Variants in SLC2A12 observed in about 807,000 individuals in gnomAD.
SLC2A12 encodes the protein solute carrier family 2, facilitated glucose transporter member 12.
A neutral mutation model predicts 41.8 loss-of-function variants in SLC2A12; 23 were observed. That is an observed-to-expected ratio of 0.55 (90% CI 0.40 to 0.78). SLC2A12 has a LOEUF of 0.78. Among genes scored for constraint, SLC2A12 ranks in the 30% least tolerant of loss-of-function variants. The pLI, the probability that SLC2A12 is intolerant of heterozygous loss-of-function variation, is 0.00. For synonymous variants in SLC2A12, 295 were observed against 285.9 expected (o/e 1.03, Z -0.32); for missense variants, 654 against 745.6 (o/e 0.88, Z 1.43).
chr6:134,011,499 T>C (rs1776883720), intron 2 of SLC2A12, among the ~76,000 whole-genome samples: 1 of 152,022 alleles, frequency 6.6e-6, no homozygotes, highest in South Asian at 2.1e-4. Flanking sequence ...GATGTGTGCC[T>C]GTAGTCTCAG....
At chr6:134,008,809 T>A (rs1288691070) in intron 2 of SLC2A12, among the ~76,000 whole-genome samples, 1 of 152,208 alleles carries the variant, frequency 6.6e-6, no homozygotes, top group Non-Finnish European at 1.5e-5. Context: ...GGCATGGGTA[T>A]TCGATGCTGG....
intron 1 of SLC2A12, among the ~76,000 whole-genome samples, chr6:134,043,055 G>C (rs1777404864): frequency 6.6e-6 from 1 of 152,204 alleles, no homozygotes; most frequent in Admixed American, 6.5e-5. Flanking sequence ...GATTTGACAA[G>C]AGAATTTTCA....
chr6:134,049,866 T>C (rs1773649839), intron 1 of SLC2A12, among the ~76,000 whole-genome samples: 1 of 152,250 alleles, frequency 6.6e-6, no homozygotes, highest in African/African-American at 2.4e-5. Flanking sequence ...TTTTTCAGTA[T>C]CTCACATGAT....
intron 1 of SLC2A12, among the ~76,000 whole-genome samples, chr6:134,037,367 T>C (rs1777317220): frequency 6.6e-6 from 1 of 151,294 alleles, no homozygotes; most frequent in African/African-American, 2.4e-5. Flanking sequence ...CTTTTGTTTT[T>C]GTTTTTTTTT....
chr6:134,039,907 G>A (rs1266374606), intron 1 of SLC2A12, among the ~76,000 whole-genome samples: 1 of 152,076 alleles, frequency 6.6e-6, no homozygotes, highest in Non-Finnish European at 1.5e-5. Context: ...TGATGTACCT[G>A]CTCCCCCTTT....
At chr6:133,999,215 A>G (rs1323316802) in intron 4 of SLC2A12, among the ~76,000 whole-genome samples, 3 of 152,218 alleles carry the variant, frequency 2.0e-5, no homozygotes, top group East Asian at 3.9e-4. Context: ...TGGGTCTGAA[A>G]GCATAAGGAT....
chr6:134,046,648 T>C (rs986579815), intron 1 of SLC2A12, among the ~76,000 whole-genome samples: 3 of 151,686 alleles, frequency 2.0e-5, no homozygotes, highest in South Asian at 2.1e-4. Flanking sequence ...AAAAAAAATA[T>C]ATATATACAA....
At chr6:134,018,402 T>C (rs147341590) in intron 2 of SLC2A12, among the ~76,000 whole-genome samples, 1 of 152,162 alleles carries the variant, frequency 6.6e-6, no homozygotes. Flanking sequence ...TCCTGCATGG[T>C]GGTGCTGGAT....
intron 4 of SLC2A12, among the ~76,000 whole-genome samples, chr6:134,001,623 G>A (rs1182738001): frequency 1.3e-5 from 2 of 152,076 alleles, no homozygotes; most frequent in Admixed American, 1.3e-4. Flanking sequence ...TAGCATTACA[G>A]TTTGATGATA....
At chr6:134,033,875 A>C (rs997924127) in intron 1 of SLC2A12, among the ~76,000 whole-genome samples, 1 of 152,020 alleles carries the variant, frequency 6.6e-6, no homozygotes, top group African/African-American at 2.4e-5. Flanking sequence ...GCTAAGTGCT[A>C]GCTTCTCTGT....
intron 1 of SLC2A12, among the ~76,000 whole-genome samples, chr6:134,035,280 C>G: frequency 6.6e-6 from 1 of 151,928 alleles, no homozygotes; most frequent in East Asian, 1.9e-4. Flanking sequence ...AACAGAATTC[C>G]TTTCCCCAAG....
rs771254153 is a variant in SLC2A12, at chr6:133,991,207, C to G, written c.1802G>C (p.Cys601Ser). ...TTGGCCCCTACCACACAGCTTGTTA[C>G]ACTCCAAGAGCTGCTCCTGGGGTTT... ...KRKPQEQLLE[C>S]NKLCGRGQSR... is the part of the protein sequence containing the mutation. The change falls in exon 5 of 5, where the codon TGT (cysteine) becomes TCT (serine). Residue 601 changes from cysteine (C) to serine (S), a missense_variant. Coordinates refer to ENST00000275230, the MANE Select transcript of SLC2A12 (RefSeq NM_145176.3). 6.2e-7 allele frequency: 1 copy of G among 1,614,144 alleles called. No homozygotes were observed. Among genetic ancestry groups the G allele is most frequent in the Non-Finnish European group, 8.5e-7 (1 of 1,180,012 alleles).
chr6:134,007,908 C>T (rs1206914895), intron 2 of SLC2A12, among the ~76,000 whole-genome samples: 1 of 152,184 alleles, frequency 6.6e-6, no homozygotes, highest in South Asian at 2.1e-4. Flanking sequence ...GGCATTATCC[C>T]TAGTAGTCTC....
chr6:134,018,658 C>T (rs1324559195), intron 2 of SLC2A12, among the ~76,000 whole-genome samples: 1 of 152,160 alleles, frequency 6.6e-6, no homozygotes, highest in East Asian at 1.9e-4. Flanking sequence ...CCAAGCATGC[C>T]CTTTCACTTA....
At chr6:134,010,603 A>T (rs1234760762) in intron 2 of SLC2A12, among the ~76,000 whole-genome samples, 1 of 152,104 alleles carries the variant, frequency 6.6e-6, no homozygotes, top group African/African-American at 2.4e-5. Context: ...ATAATGGAGG[A>T]AGTTTTGGAC....
chr6:133,996,829 T>G (rs1260330576), intron 4 of SLC2A12, among the ~76,000 whole-genome samples: 1 of 152,120 alleles, frequency 6.6e-6, no homozygotes, highest in Non-Finnish European at 1.5e-5. Context: ...TATTTTTTTG[T>G]CTCTGACATT....
intron 1 of SLC2A12, among the ~76,000 whole-genome samples, chr6:134,042,698 C>T (rs1441482011): frequency 6.6e-6 from 1 of 152,094 alleles, no homozygotes; most frequent in African/African-American, 2.4e-5. Context: ...GGTTAGGTGG[C>T]TCACACCTGT....
At chr6:134,000,217 T>C (rs1776739148) in intron 4 of SLC2A12, among the ~76,000 whole-genome samples, 1 of 152,232 alleles carries the variant, frequency 6.6e-6, no homozygotes, top group African/African-American at 2.4e-5. Flanking sequence ...ATTAGCCTTA[T>C]AATTTGATAT....
intron 2 of SLC2A12, among the ~76,000 whole-genome samples, chr6:134,008,390 G>T (rs1016063072): frequency 6.6e-6 from 1 of 152,128 alleles, no homozygotes; most frequent in Non-Finnish European, 1.5e-5. Context: ...TCTATACAGG[G>T]TTACCTTTCA....
Sources: allele counts gnomAD v4.1 joint callset (sites outside exome capture counted in the v4.1 genomes callset), GRCh38; gene constraint gnomAD v4.1.1; transcripts MANE v1.5; gene names NCBI Gene and HGNC (gene_info 2026-07-23, HGNC 2026-07-21).